Variants in INPP4B observed in about 807,000 individuals in gnomAD.
INPP4B encodes inositol polyphosphate-4-phosphatase type II B, also known as inositol polyphosphate 4-phosphatase type II.
INPP4B carries 55 observed loss-of-function variants against 122.5 expected under a neutral mutation model. That is an observed-to-expected ratio of 0.45 (90% CI 0.36 to 0.56). The LOEUF (loss-of-function observed/expected upper bound fraction) is 0.56, where lower values mean the gene tolerates loss of function less well. Among genes scored for constraint, INPP4B ranks in the 20% least tolerant of loss-of-function variants. The probability of loss-of-function intolerance (pLI) is 0.00; values close to 1 mark genes in which losing one functional copy is unlikely to be tolerated. For synonymous variants in INPP4B, 403 were observed against 388.7 expected (o/e 1.04, Z -0.43); for missense variants, 1,000 against 1,097.7 (o/e 0.91, Z 1.26).
intron 25 of INPP4B, chr4:142,029,728 G>A: frequency 1.0e-6 from 1 of 990,648 alleles, no homozygotes; most frequent in Non-Finnish European, 1.2e-6. Flanking sequence ...TGGAAATAAA[G>A]TCTGCAACCT....
intron 9 of INPP4B, among the ~76,000 whole-genome samples, chr4:142,273,879 C>T (rs935649280): frequency 4.6e-5 from 7 of 151,762 alleles, no homozygotes; most frequent in African/African-American, 1.5e-4. Flanking sequence ...AAACACAAGA[C>T]ATCCAAAAGT....
At chr4:142,483,472 T>C (rs1208887694) in intron 2 of INPP4B, among the ~76,000 whole-genome samples, 1 of 152,094 alleles carries the variant, frequency 6.6e-6, no homozygotes, top group Non-Finnish European at 1.5e-5. Flanking sequence ...ATATCTGATA[T>C]TCAGTTTCAG....
chr4:142,686,545 A>C (rs969989702), intron 2 of INPP4B, among the ~76,000 whole-genome samples: 1 of 152,088 alleles, frequency 6.6e-6, no homozygotes, highest in Non-Finnish European at 1.5e-5. Flanking sequence ...ACCACCTCAC[A>C]CCATTTTAAC....
At chr4:142,250,320 G>A (rs373563181) in intron 11 of INPP4B, among the ~76,000 whole-genome samples, 1 of 152,118 alleles carries the variant, frequency 6.6e-6, no homozygotes, top group Non-Finnish European at 1.5e-5. Flanking sequence ...TACCAAAATC[G>A]CTAGAGATGT....
At position 142,256,267 on chromosome 4, in the gene INPP4B, C is replaced by T. The variant is rs1266005316; in HGVS notation, c.688+4225G>A. Among the ~76,000 whole-genome samples the T allele has an allele frequency of 9.2e-5, 14 of 151,814 alleles. 1 individual carries two copies. Among genetic ancestry groups the T allele is most frequent in the East Asian group, 3.9e-4 (2 of 5,138 alleles). ...AGAGAAAGCAGGAAAGATCTAAAAT[C>T]GACACCCTAACATCACAATTAAAAG... On this transcript the variant is annotated intron_variant, in intron 11 of 25. Coordinates refer to ENST00000262992, the MANE Select transcript of INPP4B (RefSeq NM_001101669.3).
chr4:142,599,838 A>C (rs1739503540), intron 2 of INPP4B, among the ~76,000 whole-genome samples: 1 of 151,986 alleles, frequency 6.6e-6, no homozygotes, highest in Non-Finnish European at 1.5e-5. Context: ...ATATCTTAAA[A>C]AGAACCAAAT....
intron 1 of INPP4B, among the ~76,000 whole-genome samples, chr4:142,835,866 A>G (rs1054013813): frequency 6.6e-6 from 1 of 152,222 alleles, no homozygotes; most frequent in Non-Finnish European, 1.5e-5. Flanking sequence ...AACATTTTCA[A>G]GCTTCATGTT....
chr4:142,163,215 T>C (rs1426200013), intron 16 of INPP4B, among the ~76,000 whole-genome samples: 2 of 151,860 alleles, frequency 1.3e-5, no homozygotes, highest in Non-Finnish European at 2.9e-5. Context: ...AAAGAAAAAA[T>C]AGAAAATTCC....
In INPP4B at chr4:142,188,518, A is replaced by ATATATATAT. The variant is rs1363710453; in HGVS notation, c.1181+4568_1181+4569insATATATATA. On this transcript the variant is annotated intron_variant, in intron 15 of 25. Transcript: ENST00000262992. ...AAAAAAAAAAAAAAAAAAGAAAAAA[A>ATATATATAT]ATATATATAGCTTGACTTATGAGTT... is the stretch of plus-strand genomic sequence containing the variant. Among the ~76,000 whole-genome samples, 133 of 105,098 alleles carry ATATATATAT rather than the reference A, an allele frequency of 1.3e-3. 1 individual carries two copies. The highest frequency in any genetic ancestry group is 1.5e-3 in the Admixed American group (11 of 7,538). 68.9% of individuals were successfully genotyped at this position (105,098 alleles called of 152,430 possible). A position where few individuals can be genotyped will look rare whatever the true frequency, so the allele number is the denominator to read the frequency against.
At chr4:142,446,254 C>T (rs1812889894) in intron 3 of INPP4B, among the ~76,000 whole-genome samples, 1 of 151,522 alleles carries the variant, frequency 6.6e-6, no homozygotes, top group South Asian at 2.1e-4. Context: ...TATATAAAAA[C>T]AAGTAATTCA....
chr4:142,485,543 T>C (rs1335778889), intron 2 of INPP4B, among the ~76,000 whole-genome samples: 2 of 152,154 alleles, frequency 1.3e-5, no homozygotes, highest in African/African-American at 4.8e-5. Context: ...CTAGTATGAA[T>C]ATGGGCAAAT....
Position 142,200,493 on chromosome 4 carries a change from G to A in INPP4B, c.1073-7298C>T, listed in dbSNP as rs138771272. Among the ~76,000 whole-genome samples, 55 of 152,062 alleles carry A rather than the reference G, an allele frequency of 3.6e-4. No individual in the cohort carries two copies. In the East Asian group the frequency reaches 7.9e-3, roughly 22 times the overall value. On this transcript the variant is annotated intron_variant, in intron 14 of 25. Coordinates refer to ENST00000262992, the MANE Select transcript of INPP4B (RefSeq NM_001101669.3). ...TTCATTAGCTAGGACTAGAAAATACGTGTCCTATAGTAATTATGTATACAT... is the reference window on the plus strand; with the variant it reads ...TTCATTAGCTAGGACTAGAAAATACATGTCCTATAGTAATTATGTATACAT...
chr4:142,625,504 C>T (rs1580539204), intron 2 of INPP4B, among the ~76,000 whole-genome samples: 1 of 152,218 alleles, frequency 6.6e-6, no homozygotes. Context: ...AATAGAAGAA[C>T]ATTCCATGCT....
rs1201580472 is a variant in INPP4B, at chr4:142,025,411, C to G, written c.*3371G>C. The G allele has an allele frequency of 6.6e-6, 1 of 152,112 alleles. No homozygotes were observed. Among genetic ancestry groups the G allele is most frequent in the Non-Finnish European group, 1.5e-5 (1 of 68,010 alleles). The allele number at this position is 152,112 out of a possible 1,614,324, so 9.4% of individuals were successfully genotyped here. A position where few individuals can be genotyped will look rare whatever the true frequency, so the allele number is the denominator to read the frequency against. On this transcript the variant is annotated 3_prime_UTR_variant, in exon 26 of 26. Transcript: ENST00000262992. The stretch of plus-strand genomic sequence containing the variant: ...TTACATTGGTTTTTAATGTATTCCA[C>G]TGTGTTTTATAATTTCATATTTAAT...
chr4:142,065,279 C>T (rs993509555), intron 25 of INPP4B, among the ~76,000 whole-genome samples: 7 of 150,982 alleles, frequency 4.6e-5, no homozygotes. Context: ...ATAGTGAAAG[C>T]CTATTAAAGA....
chr4:142,033,617 A>G (rs1741823808), intron 25 of INPP4B, among the ~76,000 whole-genome samples: 1 of 151,792 alleles, frequency 6.6e-6, no homozygotes, highest in South Asian at 2.1e-4. Context: ...GATTTTCAAG[A>G]AAGAGCATGC....
intron 15 of INPP4B, among the ~76,000 whole-genome samples, chr4:142,182,786 A>T (rs1579201504): frequency 6.6e-6 from 1 of 152,080 alleles, no homozygotes; most frequent in East Asian, 1.9e-4. Context: ...AGGCTCCCTC[A>T]AGCCCTCAGC....
intron 2 of INPP4B, among the ~76,000 whole-genome samples, chr4:142,712,243 T>C (rs777379188): frequency 8.8e-4 from 134 of 152,282 alleles, no homozygotes; most frequent in Non-Finnish European, 1.5e-3. Flanking sequence ...TTAACCAAGC[T>C]AAGGCACTTT....
At chr4:142,471,301 A>T (rs1818784086) in intron 2 of INPP4B, among the ~76,000 whole-genome samples, 1 of 151,964 alleles carries the variant, frequency 6.6e-6, no homozygotes, top group African/African-American at 2.4e-5. Context: ...CTTTTTTTTT[A>T]AAGCATTAAA....
Sources: gnomAD v4.1 joint callset for allele counts (sites outside exome capture counted in the v4.1 genomes callset) on GRCh38, gnomAD v4.1.1 for gene constraint, MANE v1.5 for transcripts, NCBI Gene and HGNC (gene_info 2026-07-23, HGNC 2026-07-21) for gene names.